The following PFKM variants were observed in gnomAD, a reference collection of about 807,000 sequenced individuals.
The protein encoded by PFKM is phosphofructokinase, muscle, also known as ATP-dependent 6-phosphofructokinase, muscle type.
Under a neutral mutation model 95.5 loss-of-function variants are expected in PFKM, and 58 were observed. That is an observed-to-expected ratio of 0.61 (90% CI 0.49 to 0.76). The LOEUF is 0.76. PFKM is among the 30% of genes least tolerant of loss of function. The pLI, the probability that PFKM is intolerant of heterozygous loss-of-function variation, is 0.00. For missense variants in PFKM, 678 were observed against 1,005.4 expected (o/e 0.67, Z 4.40); for synonymous variants, 336 against 357.2 (o/e 0.94, Z 0.67).
Position 48,145,481 on chromosome 12 carries a change from TCTAA to T in PFKM, c.2199-80_2199-77del. The T allele has an allele frequency of 6.5e-7, 1 of 1,537,162 alleles. No homozygotes were observed. The highest frequency in any genetic ancestry group is 9.0e-7 in the Non-Finnish European group (1 of 1,112,646). On this transcript the variant is annotated intron_variant, in intron 22 of 22. Transcript: ENST00000359794. The surrounding 1 kb of genome is among the most constrained non-coding windows in gnomAD (Gnocchi z 4.3). ...CATGTCCTAAATCTAACCTCTTCTGTCTAACTTCTTCCTATAAACCTTTGGTAGA... is the reference window on the plus strand; with the variant it reads ...CATGTCCTAAATCTAACCTCTTCTGTCTTCTTCCTATAAACCTTTGGTAGA...
intron 10 of PFKM, among the ~76,000 whole-genome samples, 167 bp downstream of exon 10, chr12:48,135,550 G>C (rs1321726889): frequency 2.6e-5 from 4 of 152,124 alleles, no homozygotes; most frequent in Non-Finnish European, 5.9e-5. Context: ...TACACTTGAG[G>C]GTTCTCTTCT....
Position 48,145,418 on chromosome 12 carries a change from G to A in PFKM, c.2198+103G>A. ...TTTAATTCTTTTTTTTTTTTAAGGA[G>A]TAACACCTGTATTCTTACCCATTTC... On this transcript the variant is annotated intron_variant, in intron 22 of 22. Transcript: ENST00000359794. The surrounding 1 kb of genome is among the most constrained non-coding windows in gnomAD (Gnocchi z 4.3). The A allele has an allele frequency of 3.2e-6, 4 of 1,235,290 alleles. No homozygotes were observed. The highest frequency in any genetic ancestry group is 4.7e-6 in the Non-Finnish European group (4 of 850,308). The allele number at this position is 1,235,290 out of a possible 1,614,324, so 76.5% of individuals were successfully genotyped here.
At chr12:48,124,511 G>A (rs1171801250) in intron 2 of PFKM, among the ~76,000 whole-genome samples, 1 of 152,212 alleles carries the variant, frequency 6.6e-6, no homozygotes, top group East Asian at 1.9e-4. Flanking sequence ...GAGAGGGAAA[G>A]AGAGAAAGAA....
chr12:48,142,508 T>G, intron 17 of PFKM: 4 of 494,272 alleles, frequency 8.1e-6, no homozygotes, highest in Non-Finnish European at 1.1e-5. Flanking sequence ...ATACCAAATG[T>G]TTTGTTTGTT....
intron 3 of PFKM, 73 bp from the exon 4 acceptor site, chr12:48,131,243 C>T (rs1385091899): frequency 9.4e-7 from 1 of 1,058,394 alleles, no homozygotes; most frequent in Non-Finnish European, 1.5e-6. Context: ...AATCTCTTCC[C>T]AGGGATCCTG....
At position 48,141,899 on chromosome 12, in the gene PFKM, C is replaced by G. The variant is rs756212415; in HGVS notation, c.1501-15C>G. ...CCCTCTCCCCAATCCTGCCCTTGTG[C>G]TCTCTTCTTCTTAGGCTTACACAGG... On this transcript the variant is annotated splice_polypyrimidine_tract_variant and intron_variant, in intron 16 of 22. Coordinates refer to ENST00000359794, the MANE Select transcript of PFKM (RefSeq NM_000289.6). 1 of 1,613,972 alleles carries G rather than the reference C, an allele frequency of 6.2e-7. No homozygotes were observed. Among genetic ancestry groups the G allele is most frequent in the Non-Finnish European group, 8.5e-7 (1 of 1,179,972 alleles).
At chr12:48,118,536 C>A, upstream of PFKM, 1 of 1,525,186 alleles carries the variant, frequency 6.6e-7, no homozygotes, top group Non-Finnish European at 8.8e-7. Context: ...GTGGTAAAAG[C>A]AAGAGGAGAC....
At chr12:48,115,827 C>T (rs1947618032), upstream of PFKM, among the ~76,000 whole-genome samples, 1 of 152,130 alleles carries the variant, frequency 6.6e-6, no homozygotes, top group African/African-American at 2.4e-5. Flanking sequence ...TTTTATTTAT[C>T]CATTCTTTAG....
chr12:48,106,136 AG>A (rs1416180185), exon 1 of PFKM: 2 of 702,534 alleles, frequency 2.8e-6, no homozygotes, highest in Non-Finnish European at 2.6e-6. Flanking sequence ...AAGAGTCGCT[AG>A]GTGGCTGAAG....
Position 48,139,233 on chromosome 12 carries a change from T to C in PFKM, c.1063-52T>C, listed in dbSNP as rs148771744. ...TTCGACTGTGGGATGGAGTTCCAGCTGTGCAGAATCCTGACCCTGGAGTTG... is the reference window on the plus strand; with the variant it reads ...TTCGACTGTGGGATGGAGTTCCAGCCGTGCAGAATCCTGACCCTGGAGTTG... On this transcript the variant is annotated intron_variant, in intron 11 of 22. Coordinates refer to ENST00000359794, the MANE Select transcript of PFKM (RefSeq NM_000289.6). 104 of 1,387,600 alleles carry C rather than the reference T, an allele frequency of 7.5e-5. No individual in the cohort carries two copies. In the East Asian group the frequency reaches 2.2e-3, roughly 29 times the overall value. 86.0% of individuals were successfully genotyped at this position (1,387,600 alleles called of 1,614,324 possible). A position where few individuals can be genotyped will look rare whatever the true frequency, so the allele number is the denominator to read the frequency against.
rs1951011747 is a variant in PFKM, at chr12:48,145,968, T to G, written c.*260T>G. The G allele has an allele frequency of 2.0e-6, 1 of 497,104 alleles. No individual in the cohort carries two copies. Among genetic ancestry groups the G allele is most frequent in the Non-Finnish European group, 3.6e-6 (1 of 276,528 alleles). The allele number at this position is 497,104 out of a possible 1,614,324, so 30.8% of individuals were successfully genotyped here. A position where few individuals can be genotyped will look rare whatever the true frequency, so the allele number is the denominator to read the frequency against. On this transcript the variant is annotated 3_prime_UTR_variant, in exon 23 of 23. Transcript: ENST00000359794. The surrounding 1 kb of genome is among the most constrained non-coding windows in gnomAD (Gnocchi z 4.3). ...GCACCTCTAGTGCTACTGCTAGATATCACTTACTCAGTTAGAATTTTCCTA... is the reference window on the plus strand; with the variant it reads ...GCACCTCTAGTGCTACTGCTAGATAGCACTTACTCAGTTAGAATTTTCCTA...
chr12:48,122,917 C>G, intron 2 of PFKM, 58 bp downstream of exon 2: 2 of 1,489,148 alleles, frequency 1.3e-6, no homozygotes, highest in Non-Finnish European at 9.4e-7. Context: ...TACTGACTCC[C>G]TTAGCCTATA....
At chr12:48,136,487 C>T (rs1016583345) in intron 10 of PFKM, among the ~76,000 whole-genome samples, 1 of 152,164 alleles carries the variant, frequency 6.6e-6, no homozygotes, top group East Asian at 1.9e-4. Flanking sequence ...CATTTGTGTA[C>T]AGCTTTTTGT....
At chr12:48,127,647 G>A (rs1310432216) in intron 2 of PFKM, among the ~76,000 whole-genome samples, 1 of 152,174 alleles carries the variant, frequency 6.6e-6, no homozygotes, top group Non-Finnish European at 1.5e-5. Flanking sequence ...TAGGATGCCA[G>A]GTAGCCTCCT....
chr12:48,129,681 G>C (rs1156425041), intron 2 of PFKM, among the ~76,000 whole-genome samples: 1 of 152,150 alleles, frequency 6.6e-6, no homozygotes, highest in Non-Finnish European at 1.5e-5. Flanking sequence ...CAGCTGTCTG[G>C]TAACAGATAT....
At chr12:48,120,297 A>G (rs1435142674) in intron 1 of PFKM, among the ~76,000 whole-genome samples, 8 of 152,204 alleles carry the variant, frequency 5.3e-5, no homozygotes, top group African/African-American at 9.7e-5. Flanking sequence ...ATATGGAGGT[A>G]TATCTGTATC....
chr12:48,115,515 A>G (rs889351373), upstream of PFKM, among the ~76,000 whole-genome samples: 3 of 152,232 alleles, frequency 2.0e-5, no homozygotes, highest in African/African-American at 7.2e-5. Context: ...TACAAAGTAC[A>G]TTGATCAGTT....
intron 7 of PFKM, 70 bp downstream of exon 7, chr12:48,134,346 C>A: frequency 7.7e-7 from 1 of 1,303,838 alleles, no homozygotes; most frequent in Non-Finnish European, 1.1e-6. Flanking sequence ...CCCAGAGAGT[C>A]CAGTGAGGTC....
intron 14 of PFKM, 137 bp from the exon 15 acceptor site, chr12:48,141,174 A>G (rs1950548979): frequency 1.2e-6 from 1 of 830,978 alleles, no homozygotes; most frequent in Admixed American, 1.9e-5. Context: ...GTGCGTGGGG[A>G]AAAGCTAATA....
Sources: allele counts gnomAD v4.1 joint callset (sites outside exome capture counted in the v4.1 genomes callset), GRCh38; gene constraint gnomAD v4.1.1; non-coding constraint Gnocchi (gnomAD v3.1); transcripts MANE v1.5; gene names NCBI Gene and HGNC (gene_info 2026-07-23, HGNC 2026-07-21).